The following ZNF273 variants were observed in gnomAD, a reference collection of about 807,000 sequenced individuals.
ZNF273 encodes zinc finger protein 9.
In ZNF273, 11 loss-of-function variants were observed where a neutral mutation model predicts 14.9. The ratio of observed to expected loss-of-function variants is 0.74; its 90% CI spans 0.46 to 1.22. The LOEUF (loss-of-function observed/expected upper bound fraction) is 1.22. Among genes scored for constraint, ZNF273 ranks in the 50% most tolerant of loss-of-function variants. ZNF273 has a pLI of 0.00. For missense variants in ZNF273, 577 were observed against 660.6 expected (o/e 0.87, Z 1.39); for synonymous variants, 199 against 223.9 (o/e 0.89, Z 0.99).
chr7:64,889,729 C>A, downstream of ZNF273: 2 of 985,954 alleles, frequency 2.0e-6, no homozygotes, highest in Non-Finnish European at 2.4e-6. This position sits in a 1 kb window ranked among gnomAD's most constrained non-coding sequence, Gnocchi z 4.2. Context: ...TAGCTGGACA[C>A]CGAGCACCAT....
At chr7:64,901,411 T>A (rs1792705340), upstream of ZNF273, among the ~76,000 whole-genome samples, 1 of 152,234 alleles carries the variant, frequency 6.6e-6, no homozygotes, top group Non-Finnish European at 1.5e-5. Context: ...GGTGCAGACA[T>A]GCTGATTTTA....
chr7:64,877,924 TC>T (rs1191888993), intron 1 of ZNF273: 1 of 152,160 alleles, frequency 6.6e-6, no homozygotes, highest in Non-Finnish European at 1.5e-5. Context: ...GGAGGGGCTT[TC>T]TAGTAGAGCA....
upstream of ZNF273, among the ~76,000 whole-genome samples, chr7:64,901,693 G>A (rs1792724155): frequency 6.6e-6 from 1 of 152,176 alleles, no homozygotes; most frequent in African/African-American, 2.4e-5. Flanking sequence ...AAAAGCACTT[G>A]TAATCCCAGC....
In ZNF273 at chr7:64,912,826, G is replaced by GTTTTGTTTTTTTT. The variant is rs746174998; in HGVS notation, c.103-4751_103-4750insGTTTTTTTTTTTT. ...TCTTTTTGACTCAGGATTCATTTTA[G>GTTTTGTTTTTTTT]TTTTTTTTTTTTTTTTTTTTGAGAT... On this transcript the variant is annotated intron_variant, in intron 1 of 3. Coordinates refer to ENST00000476120, the MANE Select transcript of ZNF273 (RefSeq NM_021148.3). 1.1e-3 allele frequency among the ~76,000 whole-genome samples: 41 copies of GTTTTGTTTTTTTT among 36,580 alleles called. 2 individuals are homozygous for GTTTTGTTTTTTTT. Among genetic ancestry groups the GTTTTGTTTTTTTT allele is most frequent in the Admixed American group, 2.0e-3 (5 of 2,506 alleles). 24.0% of individuals were successfully genotyped at this position (36,580 alleles called of 152,430 possible).
chr7:64,889,752 C>T (rs1791857114), downstream of ZNF273: 1 of 985,798 alleles, frequency 1.0e-6, no homozygotes, highest in Non-Finnish European at 1.2e-6. This position sits in a 1 kb window ranked among gnomAD's most constrained non-coding sequence, Gnocchi z 4.2. Flanking sequence ...ACGCTCAGCC[C>T]CACGGGGCTC....
chr7:64,886,995 C>T (rs1376978825), intron 1 of ZNF273, among the ~76,000 whole-genome samples: 3 of 152,178 alleles, frequency 2.0e-5, no homozygotes, highest in African/African-American at 7.2e-5. Context: ...TGGGCATTTA[C>T]CAGGCTGGGC....
chr7:64,927,743 T>C lies in ZNF273; in HGVS notation c.415T>C (p.Tyr139His). ...QKVILRRYGK[Y>H]GHENLQLRKG... ...AGTGATACTGAGAAGATATGGAAAA[T>C]ATGGACATGAGAATTTACAATTAAG... Residue 139 changes from tyrosine to histidine, a missense_variant, in exon 4 of 4, where the codon TAT becomes CAT. By Grantham distance (83) the Tyr-to-His change is moderately conservative (BLOSUM62 2). Transcript: ENST00000476120. 1 of 1,613,282 alleles carries C rather than the reference T, an allele frequency of 6.2e-7. No homozygotes were observed. The highest frequency in any genetic ancestry group is 8.5e-7 in the Non-Finnish European group (1 of 1,179,796).
downstream of ZNF273, chr7:64,893,749 CA>C (rs933253281): frequency 3.6e-5 from 5 of 140,824 alleles, no homozygotes; most frequent in African/African-American, 1.1e-4. Context: ...ACAAAACAGT[CA>C]CAGAGAGAGG....
At chr7:64,932,302 A>AATTTATTT (rs571234984), downstream of ZNF273, among the ~76,000 whole-genome samples, 1 of 151,724 alleles carries the variant, frequency 6.6e-6, no homozygotes, top group Non-Finnish European at 1.5e-5. Context: ...ATATGTTAGA[A>AATTTATTT]ATTTATTTAT....
Position 64,928,872 on chromosome 7 carries a change from A to G in ZNF273, c.1544A>G (p.Lys515Arg), listed in dbSNP as rs530284397. ...ATTCATACTGGAGAGAAGCCCTACA[A>G]ATGTGAAGAATGTGGCAAAGCTTTT... ...KRIHTGEKPY[K>R]CEECGKAFNR... The change falls in exon 4 of 4, where the codon AAA becomes AGA. Residue 515 changes from lysine (K) to arginine (R), a missense_variant. Lys to Arg is a conservative substitution (Grantham distance 26). This residue lies in a region of ZNF273 where 411 missense variants were observed against 440.4 expected (regional missense o/e 0.93). Coordinates refer to ENST00000476120, the MANE Select transcript of ZNF273 (RefSeq NM_021148.3). The G allele has an allele frequency of 1.2e-6, 2 of 1,614,000 alleles. No individual in the cohort carries two copies. The highest frequency in any genetic ancestry group is 2.7e-5 in the African/African-American group (2 of 75,058).
chr7:64,903,423 A>G lies in ZNF273; in HGVS notation c.102+4A>G. The G allele has an allele frequency of 6.2e-7, 1 of 1,610,386 alleles. No homozygotes were observed. The highest frequency in any genetic ancestry group is 1.3e-5 in the African/African-American group (1 of 74,950). On this transcript the variant is annotated splice_donor_region_variant and intron_variant, in intron 1 of 3. Transcript: ENST00000476120. ...ACTCCCTGGAAGCCTAGAAATGGTG[A>G]GAGTGCCGGGTCCCAGATCCCGAGA...
chr7:64,915,547 G>GGCACAGATC (rs1394934334), intron 1 of ZNF273, among the ~76,000 whole-genome samples: 1 of 152,262 alleles, frequency 6.6e-6, no homozygotes, highest in East Asian at 1.9e-4. Flanking sequence ...ACGTCCTGAA[G>GGCACAGATC]GCACAGATCG....
chr7:64,915,005 T>A (rs2129075618), intron 1 of ZNF273, among the ~76,000 whole-genome samples: 1 of 151,360 alleles, frequency 6.6e-6, no homozygotes, highest in East Asian at 1.9e-4. Flanking sequence ...ATGCGTTTAG[T>A]ACTTGTAAAC....
chr7:64,923,129 T>G (rs1794585168), intron 3 of ZNF273, among the ~76,000 whole-genome samples: 1 of 152,180 alleles, frequency 6.6e-6, no homozygotes, highest in South Asian at 2.1e-4. Context: ...TTTTCCCGTT[T>G]TCATGGCACT....
downstream of ZNF273, among the ~76,000 whole-genome samples, chr7:64,894,591 TAA>T (rs11334125): frequency 0.01 from 1,497 of 148,378 alleles, 16 homozygotes; most frequent in African/African-American, 0.033. Context: ...GTCACAACAG[TAA>T]AAAAAAAAAA....
upstream of ZNF273, among the ~76,000 whole-genome samples, chr7:64,899,045 A>G (rs1171673906): frequency 6.6e-6 from 1 of 152,244 alleles, no homozygotes; most frequent in Non-Finnish European, 1.5e-5. Flanking sequence ...ATATGTGTAT[A>G]TAACATGCAT....
chr7:64,921,576 A>T (rs1342721359), intron 3 of ZNF273, among the ~76,000 whole-genome samples: 13 of 126,476 alleles, frequency 1.0e-4, no homozygotes, highest in Admixed American at 9.8e-4. Context: ...TTACCATTAT[A>T]TAATATCAAT....
At chr7:64,903,264 G>T (rs1054135856), upstream of ZNF273, 4 of 1,448,080 alleles carry the variant, frequency 2.8e-6, no homozygotes, top group Admixed American at 1.8e-5. Context: ...GGGATTTGGC[G>T]GGGCCTTTGT....
At chr7:64,898,492 A>C (rs1792495675), upstream of ZNF273, among the ~76,000 whole-genome samples, 1 of 152,190 alleles carries the variant, frequency 6.6e-6, no homozygotes, top group Non-Finnish European at 1.5e-5. Context: ...GTCTCATTCA[A>C]GTGTGTTTTA....
Sources: gnomAD v4.1 joint callset for allele counts (sites outside exome capture counted in the v4.1 genomes callset) on GRCh38, gnomAD v4.1.1 for gene constraint, gnomAD v4.1.1 regional missense constraint, Gnocchi (gnomAD v3.1) non-coding constraint, MANE v1.5 for transcripts, NCBI Gene and HGNC (gene_info 2026-07-23, HGNC 2026-07-21) for gene names.